The following DPP6 variants were observed in gnomAD, a reference collection of about 807,000 sequenced individuals.
DPP6 encodes the protein A-type potassium channel modulatory protein DPP6.
In DPP6, 69 loss-of-function variants were observed where a neutral mutation model predicts 122.6. The observed-to-expected ratio is 0.56, with a 90% CI of 0.46 to 0.69. The LOEUF is 0.69. DPP6 is among the 30% of genes least tolerant of loss of function. The pLI is 0.00. For synonymous variants in DPP6, 418 were observed against 433.1 expected (o/e 0.97, Z 0.43); for missense variants, 928 against 1,116.9 (o/e 0.83, Z 2.41).
At chr7:153,997,030 CCTCTCT>C (rs139415383) in intron 1 of DPP6, among the ~76,000 whole-genome samples, 5 of 148,244 alleles carry the variant, frequency 3.4e-5, no homozygotes, top group Admixed American at 1.4e-4. Flanking sequence ...AATCTTTATG[CCTCTCT>C]CTCTCTCTCT....
At chr7:154,654,230 T>C (rs1837077602) in intron 6 of DPP6, among the ~76,000 whole-genome samples, 1 of 151,940 alleles carries the variant, frequency 6.6e-6, no homozygotes, top group Non-Finnish European at 1.5e-5. Context: ...CCGGAACCAA[T>C]CTTCCATGGA....
intron 17 of DPP6, 81 bp from the exon 18 acceptor site, chr7:154,867,914 G>T (rs1281032139): frequency 6.9e-7 from 1 of 1,455,826 alleles, no homozygotes; most frequent in Admixed American, 2.6e-5. Flanking sequence ...CAGCAGTTAC[G>T]CACATGAAAA....
chr7:153,772,965 A>ATAATAT, the DPP6 span, among the ~76,000 whole-genome samples: 1 of 79,578 alleles, frequency 1.3e-5, no homozygotes, highest in Admixed American at 1.5e-4. Context: ...TAATATATAA[A>ATAATAT]AGAAAAGACT....
intron 1 of DPP6, among the ~76,000 whole-genome samples, chr7:154,329,218 C>T (rs1459275706): frequency 6.6e-6 from 1 of 152,220 alleles, no homozygotes; most frequent in African/African-American, 2.4e-5. Context: ...CTTTACTGTG[C>T]ACCACATACA....
intron 1 of DPP6, among the ~76,000 whole-genome samples, chr7:154,041,530 C>T (rs1179892283): frequency 1.3e-5 from 2 of 152,304 alleles, no homozygotes; most frequent in Non-Finnish European, 2.9e-5. Flanking sequence ...TGATGCTTAG[C>T]GACCTATCCT....
At chr7:154,193,553 C>G (rs1278335866) in intron 1 of DPP6, among the ~76,000 whole-genome samples, 1 of 152,066 alleles carries the variant, frequency 6.6e-6, no homozygotes, top group African/African-American at 2.4e-5. Flanking sequence ...GGCTGAGTCT[C>G]AGGACCGCAG....
At chr7:154,582,963 T>G (rs1256082217) in intron 5 of DPP6, among the ~76,000 whole-genome samples, 1 of 152,164 alleles carries the variant, frequency 6.6e-6, no homozygotes, top group Non-Finnish European at 1.5e-5. Flanking sequence ...TTTGGGAGAT[T>G]GCAAGGTTTC....
intron 16 of DPP6, among the ~76,000 whole-genome samples, chr7:154,844,318 G>C (rs544176052): frequency 1.3e-5 from 2 of 152,324 alleles, no homozygotes; most frequent in African/African-American, 4.8e-5. Flanking sequence ...GTTTCAGATA[G>C]GTTTAAAGTG....
At chr7:154,809,097 A>G (rs931733052) in intron 16 of DPP6, among the ~76,000 whole-genome samples, 2 of 152,218 alleles carry the variant, frequency 1.3e-5, no homozygotes, top group Non-Finnish European at 2.9e-5. Context: ...ACCAGCAAGA[A>G]GGGTCTGGCT....
intron 3 of DPP6, among the ~76,000 whole-genome samples, chr7:154,496,572 C>A (rs910817169): frequency 6.6e-6 from 1 of 152,208 alleles, no homozygotes; most frequent in South Asian, 2.1e-4. Context: ...GAAAGTCAAG[C>A]TCCTTTGAAC....
intron 1 of DPP6, among the ~76,000 whole-genome samples, chr7:153,916,766 T>G (rs1385741391): frequency 6.6e-6 from 1 of 152,198 alleles, no homozygotes; most frequent in Non-Finnish European, 1.5e-5. Context: ...CACTGGTGCT[T>G]ACATTCAAAC....
chr7:154,088,730 T>C (rs1192423058), intron 1 of DPP6, among the ~76,000 whole-genome samples: 1 of 151,750 alleles, frequency 6.6e-6, no homozygotes, highest in African/African-American at 2.4e-5. Context: ...CAGTTATCTC[T>C]GGAGCACTGT....
the DPP6 span, among the ~76,000 whole-genome samples, chr7:153,844,023 A>G: frequency 1.1e-4 from 17 of 152,268 alleles, no homozygotes; most frequent in Middle Eastern, 3.4e-3. Flanking sequence ...CAAGGGTCGC[A>G]TTCCATTCCC....
At chr7:154,391,565 G>T (rs1279026934) in intron 1 of DPP6, among the ~76,000 whole-genome samples, 6 of 152,268 alleles carry the variant, frequency 3.9e-5, no homozygotes, top group African/African-American at 1.4e-4. Flanking sequence ...GCCTCCCTTA[G>T]TCCATCATTT....
At chr7:154,860,628 C>T (rs1378169764) in intron 17 of DPP6, among the ~76,000 whole-genome samples, 3 of 152,240 alleles carry the variant, frequency 2.0e-5, no homozygotes, top group South Asian at 4.1e-4. Context: ...GGTGGCGAAG[C>T]ATCATACAGA....
chr7:154,582,461 G>C (rs1233882758), intron 5 of DPP6, among the ~76,000 whole-genome samples: 1 of 152,192 alleles, frequency 6.6e-6, no homozygotes, highest in South Asian at 2.1e-4. Context: ...ACTAGAGAAC[G>C]GGAAGCTGAG....
In DPP6 at chr7:154,889,432, CTTTTTTTTTTT is replaced by C. The variant is rs11335725; in HGVS notation, c.2378-17_2378-7del. ...TGGGTTTTAACAAATGTCTTCCTCT[CTTTTTTTTTTT>C]TTTTTTTGCACAGAAAAAATTCATT... On this transcript the variant is annotated splice_polypyrimidine_tract_variant and intron_variant, in intron 24 of 25. Transcript: ENST00000377770. The C allele has an allele frequency of 1.5e-4, 220 of 1,494,576 alleles. 2 individuals are homozygous for C. In the South Asian group the frequency reaches 2.0e-3, roughly 14 times the overall value. The allele number at this position is 1,494,576 out of a possible 1,614,324, so 92.6% of individuals were successfully genotyped here.
At chr7:154,458,668 A>G (rs1354957344) in intron 2 of DPP6, among the ~76,000 whole-genome samples, 2 of 152,220 alleles carry the variant, frequency 1.3e-5, no homozygotes, top group Non-Finnish European at 2.9e-5. Flanking sequence ...ATAAAGGGAG[A>G]TAAATGGCAT....
chr7:154,057,119 G>A (rs949908682), intron 1 of DPP6, among the ~76,000 whole-genome samples: 1 of 152,240 alleles, frequency 6.6e-6, no homozygotes, highest in African/African-American at 2.4e-5. Flanking sequence ...ACTGAGAAGT[G>A]CCCAGTGAAT....
Sources: allele counts gnomAD v4.1 joint callset (sites outside exome capture counted in the v4.1 genomes callset), GRCh38; gene constraint gnomAD v4.1.1; transcripts MANE v1.5; gene names NCBI Gene and HGNC (gene_info 2026-07-23, HGNC 2026-07-21).